NHS: variants seen among roughly 807,000 people sequenced by gnomAD.
The protein encoded by NHS is NHS actin remodeling regulator, also known as actin remodeling regulator NHS.
In NHS, 5 loss-of-function variants were observed where a neutral mutation model predicts 72.5. The ratio of observed to expected loss-of-function variants is 0.07; its 90% CI spans 0.04 to 0.14. The LOEUF is 0.14. NHS is among the 10% of genes least tolerant of loss of function. The pLI, the probability that NHS is intolerant of heterozygous loss-of-function variation, is 1.00. For synonymous variants in NHS, 464 were observed against 547.7 expected (o/e 0.85, Z 2.13); for missense variants, 1,072 against 1,355.7 (o/e 0.79, Z 3.29).
chrX:17,525,161 T>G (rs144765286), intron 1 of NHS, among the ~76,000 whole-genome samples: 2 of 112,438 alleles, frequency 1.8e-5, no homozygotes, highest in African/African-American at 6.5e-5. Context: ...TCAAATAAGT[T>G]TTTAAATACT....
Position 17,725,820 on chromosome X carries a change from C to A in NHS, c.1714C>A (p.Pro572Thr). ...GGCCTGCTCTCAACATCTTCACAGC[C>A]CCCAGCACAAATTAAGTGAGAGGGG... ...GLACSQHLHS[P>T]QHKLSERGRS... The change falls in exon 7 of 9, where the codon CCC becomes ACC. Residue 572 changes from proline to threonine, a missense_variant. Physicochemically the swap from Pro to Thr is conservative, Grantham distance 38. Transcript: ENST00000676302. The A allele has an allele frequency of 1.7e-6, 2 of 1,211,448 alleles. No individual in the cohort carries two copies. Among genetic ancestry groups the A allele is most frequent in the Non-Finnish European group, 2.2e-6 (2 of 895,463 alleles).
At chrX:17,555,254 G>A (rs1371361133) in intron 1 of NHS, among the ~76,000 whole-genome samples, 1 of 106,797 alleles carries the variant, frequency 9.4e-6, no homozygotes, top group Non-Finnish European at 1.9e-5. Context: ...TCAAACCTTG[G>A]TTTGGATTTG....
At chrX:17,415,621 G>C (rs765385003) in intron 1 of NHS, among the ~76,000 whole-genome samples, 3 of 111,997 alleles carry the variant, frequency 2.7e-5, no homozygotes, top group African/African-American at 9.7e-5. Flanking sequence ...AAACATGCTG[G>C]GGGAAAGTAG....
chrX:17,446,583 CT>C (rs780007597), intron 1 of NHS, among the ~76,000 whole-genome samples: 47 of 108,608 alleles, frequency 4.3e-4, no homozygotes, highest in African/African-American at 1.4e-3. Flanking sequence ...GGCCCCACCC[CT>C]ATCTCCTTTC....
chrX:17,492,677 C>A (rs1288702964), intron 1 of NHS, among the ~76,000 whole-genome samples: 1 of 111,630 alleles, frequency 9.0e-6, no homozygotes, highest in Non-Finnish European at 1.9e-5. Flanking sequence ...GAGCTCAAGT[C>A]CTGAATATCC....
intron 1 of NHS, among the ~76,000 whole-genome samples, chrX:17,644,019 C>T (rs2065894576): frequency 1.8e-5 from 2 of 112,367 alleles, no homozygotes; most frequent in South Asian, 7.4e-4. Context: ...TTATCTCATT[C>T]AAAGTCTCTG....
intron 8 of NHS, among the ~76,000 whole-genome samples, 179 bp from the exon 9 acceptor site, chrX:17,731,679 T>C (rs1237122163): frequency 5.4e-5 from 6 of 111,594 alleles, no homozygotes; most frequent in Non-Finnish European, 7.5e-5. Flanking sequence ...CTGTGGGTGC[T>C]ACAAGGACAA....
chrX:17,553,217 G>T (rs776209127), intron 1 of NHS, among the ~76,000 whole-genome samples: 2 of 112,527 alleles, frequency 1.8e-5, no homozygotes, highest in African/African-American at 6.5e-5. Flanking sequence ...TTTCCTTTGG[G>T]GTATGGAATT....
At position 17,393,284 on chromosome X, in the gene NHS, T is replaced by G. The variant is rs540982846; in HGVS notation, c.565+16962T>G. On this transcript the variant is annotated intron_variant, in intron 1 of 8. Transcript: ENST00000676302. ...TATTCCTTGCTGTACCTAGACTTTC[T>G]GATCTACACCAAGCAAAAGCTTTGA... is the stretch of plus-strand genomic sequence containing the variant. 8.8e-5 allele frequency among the ~76,000 whole-genome samples: 7 copies of G among 79,831 alleles called. No homozygotes were observed. In the South Asian group the frequency reaches 2.5e-3, roughly 29 times the overall value. The allele number at this position is 79,831 out of a possible 115,157, so 69.3% of individuals were successfully genotyped here.
chrX:17,605,819 C>T (rs2065675782), intron 1 of NHS, among the ~76,000 whole-genome samples: 1 of 111,791 alleles, frequency 8.9e-6, no homozygotes, highest in Non-Finnish European at 1.9e-5. Flanking sequence ...TGTAACCTTT[C>T]CCCTTCTCTG....
intron 1 of NHS, among the ~76,000 whole-genome samples, chrX:17,664,341 A>G (rs760555144): frequency 1.2e-4 from 13 of 111,930 alleles, no homozygotes; most frequent in Admixed American, 6.6e-4. Flanking sequence ...GTTTAGGTCT[A>G]TGGTCCTTCC....
chrX:17,499,552 G>A (rs754381339), intron 1 of NHS, among the ~76,000 whole-genome samples: 1 of 110,497 alleles, frequency 9.1e-6, no homozygotes, highest in Admixed American at 9.7e-5. Flanking sequence ...CCGAGAGACA[G>A]CACCCGACAC....
chrX:17,503,953 T>G (rs915431569), intron 1 of NHS, among the ~76,000 whole-genome samples: 4 of 111,455 alleles, frequency 3.6e-5, no homozygotes, highest in African/African-American at 1.3e-4. Context: ...CAGTGCCATG[T>G]TTGAAAGAAA....
intron 1 of NHS, among the ~76,000 whole-genome samples, chrX:17,596,483 A>G (rs2065624690): frequency 8.9e-6 from 1 of 112,243 alleles, no homozygotes; most frequent in South Asian, 3.7e-4. Flanking sequence ...TTCACTTCCA[A>G]CAAATATATT....
chrX:17,409,763 G>A (rs1200015385), intron 1 of NHS, among the ~76,000 whole-genome samples: 2 of 111,665 alleles, frequency 1.8e-5, no homozygotes, highest in Admixed American at 1.9e-4. Flanking sequence ...GCTAAAGCAA[G>A]TCACATGGCC....
intron 1 of NHS, among the ~76,000 whole-genome samples, chrX:17,508,820 C>T (rs1437916482): frequency 8.9e-6 from 1 of 112,177 alleles, no homozygotes; most frequent in Non-Finnish European, 1.9e-5. Context: ...CTCCTTCTAC[C>T]TTTTGGCTAT....
In NHS at chrX:17,375,816, C is replaced by G. The variant is rs746620400; in HGVS notation, c.59C>G (p.Ala20Gly). ...TGGCTGTGCAGGCAGCGGCGCCCTG[C>G]GCCCGGCCCAGCAGTGGACGCGAGC... ...PQWLCRQRRP[A>G]PGPAVDASGG... Residue 20 changes from alanine to glycine, a missense_variant, in exon 1 of 9, where the codon GCG (alanine) becomes GGG (glycine). Coordinates refer to ENST00000676302, the MANE Select transcript of NHS (RefSeq NM_001291867.2). 1 of 1,150,660 alleles carries G rather than the reference C, an allele frequency of 8.7e-7. No individual in the cohort carries two copies. The highest frequency in any genetic ancestry group is 2.6e-5 in the Admixed American group (1 of 38,569). The allele number at this position is 1,150,660 out of a possible 1,213,427, so 94.8% of individuals were successfully genotyped here.
At chrX:17,420,961 G>A (rs1459270690) in intron 1 of NHS, among the ~76,000 whole-genome samples, 1 of 110,753 alleles carries the variant, frequency 9.0e-6, no homozygotes, top group African/African-American at 3.3e-5. Flanking sequence ...TTTTAAAATG[G>A]AAATAAGAAA....
At chrX:17,444,817 A>G (rs934850755) in intron 1 of NHS, among the ~76,000 whole-genome samples, 1 of 110,412 alleles carries the variant, frequency 9.1e-6, no homozygotes, top group Non-Finnish European at 1.9e-5. Context: ...CTTTGGCCCA[A>G]TATGTGAGAG....
Sources: allele counts gnomAD v4.1 joint callset (sites outside exome capture counted in the v4.1 genomes callset), GRCh38; gene constraint gnomAD v4.1.1; transcripts MANE v1.5; gene names NCBI Gene and HGNC (gene_info 2026-07-23, HGNC 2026-07-21).